The following POLN variants were observed in gnomAD, a reference collection of about 807,000 sequenced individuals.
POLN encodes DNA polymerase N.
A neutral mutation model predicts 113.5 loss-of-function variants in POLN; 108 were observed. That is an observed-to-expected ratio of 0.95 (90% confidence interval 0.81 to 1.12). POLN has a LOEUF of 1.12. Ranked by LOEUF, POLN falls within the 50% of genes most tolerant of loss-of-function variation. The pLI is 0.00. For missense variants in POLN, 1,097 were observed against 1,077.1 expected (o/e 1.02, Z -0.26); for synonymous variants, 386 against 391.5 (o/e 0.99, Z 0.17).
In POLN at chr4:2,095,873, C is replaced by T. The variant is rs1451400335; in HGVS notation, c.2043G>A (p.Val681=). 3 of 1,614,178 alleles carry T rather than the reference C, an allele frequency of 1.9e-6. No homozygotes were observed. The highest frequency in any genetic ancestry group is 2.2e-5 in the South Asian group (2 of 91,084). ...HADREQTKKV[V]YAVVYGAGKE... is the part of the protein sequence containing the mutation. ...TACCTGCTCCATAGACCACCGCGTACACCACCTTCTTGGTTTGCTCTCTGT... is the reference window on the plus strand; with the variant it reads ...TACCTGCTCCATAGACCACCGCGTATACCACCTTCTTGGTTTGCTCTCTGT... The change falls in exon 20 of 26, where the codon GTG becomes GTA. Residue 681 remains valine, a synonymous_variant. Coordinates refer to ENST00000511885, the MANE Select transcript of POLN (RefSeq NM_181808.4).
intron 7 of POLN, among the ~76,000 whole-genome samples, chr4:2,192,373 C>T (rs1409160903): frequency 2.0e-5 from 3 of 151,942 alleles, no homozygotes; most frequent in Non-Finnish European, 4.4e-5. Flanking sequence ...TCTCCTGAGA[C>T]GGAATCTCAC....
intron 6 of POLN, among the ~76,000 whole-genome samples, chr4:2,194,483 C>T (rs1440367300): frequency 6.6e-6 from 1 of 152,076 alleles, no homozygotes; most frequent in Non-Finnish European, 1.5e-5. Flanking sequence ...GAGGGTAAAG[C>T]GCCAATAACA....
chr4:2,136,286 C>G (rs1315349770), intron 16 of POLN, among the ~76,000 whole-genome samples: 1 of 152,218 alleles, frequency 6.6e-6, no homozygotes, highest in Non-Finnish European at 1.5e-5. Flanking sequence ...CTAGGGTATA[C>G]AGTTTTCTGC....
rs908035370 is a variant in POLN at position 2,154,744 on chromosome 4, T to C, written c.1731+2044A>G. 2.0e-5 allele frequency among the ~76,000 whole-genome samples: 3 copies of C among 152,220 alleles called. No homozygotes were observed. In the East Asian group the frequency reaches 5.8e-4, roughly 29 times the overall value. On this transcript the variant is annotated intron_variant, in intron 16 of 25. Transcript: ENST00000511885. ...TTTGTATGGTATTGCTATGATAAAGTACAGGTATGTTTATGGTATTTCTAT... is the reference window on the plus strand; with the variant it reads ...TTTGTATGGTATTGCTATGATAAAGCACAGGTATGTTTATGGTATTTCTAT...
chr4:2,080,690 G>A (rs1730387300), intron 23 of POLN: 2 of 1,361,400 alleles, frequency 1.5e-6, no homozygotes, highest in Non-Finnish European at 1.9e-6. Context: ...CCTGTGCTGT[G>A]CAGACACCCC....
At chr4:2,166,897 C>T (rs549562380) in intron 13 of POLN, among the ~76,000 whole-genome samples, 21 of 152,210 alleles carry the variant, frequency 1.4e-4, no homozygotes, top group African/African-American at 4.3e-4. Context: ...CCCCCAACTG[C>T]GTGAACCAAT....
intron 13 of POLN, among the ~76,000 whole-genome samples, chr4:2,160,265 C>T (rs1732547391): frequency 6.6e-6 from 1 of 152,124 alleles, no homozygotes; most frequent in Non-Finnish European, 1.5e-5. Flanking sequence ...CATTAAGCCC[C>T]TGTTCGTGTC....
intron 16 of POLN, among the ~76,000 whole-genome samples, chr4:2,141,730 A>G (rs1352727667): frequency 6.6e-6 from 1 of 152,144 alleles, no homozygotes; most frequent in Non-Finnish European, 1.5e-5. Context: ...CCCAGAAAAC[A>G]TGGGCAGCCT....
chr4:2,111,408 G>T (rs911679736), intron 19 of POLN, among the ~76,000 whole-genome samples: 1 of 151,946 alleles, frequency 6.6e-6, no homozygotes, highest in Non-Finnish European at 1.5e-5. Flanking sequence ...GGCAGGAGAA[G>T]GAAATAAAGG....
intron 3 of POLN, among the ~76,000 whole-genome samples, chr4:2,222,093 G>T (rs1290922375): frequency 1.3e-5 from 2 of 152,156 alleles, no homozygotes; most frequent in African/African-American, 4.8e-5. Context: ...ATTGAGACCT[G>T]CCTGTTATTT....
chr4:2,170,636 T>C, intron 13 of POLN, 43 bp downstream of exon 13: 3 of 1,535,698 alleles, frequency 2.0e-6, no homozygotes, highest in Middle Eastern at 1.7e-4. Flanking sequence ...GGTGCAGACA[T>C]GCTGTCATTC....
rs183927049 is a variant in POLN at position 2,149,100 on chromosome 4, C to T, written c.1731+7688G>A. On this transcript the variant is annotated intron_variant, in intron 16 of 25. Transcript: ENST00000511885. ...CTTGAGCTTAGGAGTTCAAGACTAG[C>T]CTGGGCAACATGGTGAAACCCCATC... is the stretch of plus-strand genomic sequence containing the variant. Among the ~76,000 whole-genome samples the T allele has an allele frequency of 4.4e-3, 664 of 152,140 alleles. 3 individuals are homozygous for T. The highest frequency in any genetic ancestry group is 0.024 in the Middle Eastern group (7 of 294).
At chr4:2,075,165 C>A (rs1730245856) in intron 24 of POLN, among the ~76,000 whole-genome samples, 1 of 152,240 alleles carries the variant, frequency 6.6e-6, no homozygotes, top group Non-Finnish European at 1.5e-5. Context: ...ACAAAGCAGC[C>A]TTGGGTGTCT....
At chr4:2,240,008 T>C (rs1230933715) in intron 2 of POLN, 1 of 1,549,190 alleles carries the variant, frequency 6.5e-7, no homozygotes, top group Non-Finnish European at 8.9e-7. Flanking sequence ...ATAATTACAA[T>C]GTGAATCCAA....
In POLN at chr4:2,095,754, A is replaced by G. The variant is rs1730773234; in HGVS notation, c.2065+97T>C. 2.7e-6 allele frequency: 3 copies of G among 1,115,450 alleles called. No individual in the cohort carries two copies. The South Asian group carries it at 3.7e-5, about 14-fold the overall frequency. The allele number at this position is 1,115,450 out of a possible 1,614,324, so 69.1% of individuals were successfully genotyped here. On this transcript the variant is annotated intron_variant, in intron 20 of 25. Coordinates refer to ENST00000511885, the MANE Select transcript of POLN (RefSeq NM_181808.4). ...GAGCATAAACAACACCCAGGGACTC[A>G]CAGACGATTTCTGAGGCACAGCCAC...
In POLN at chr4:2,085,633, A is replaced by C. The variant is rs1730530215; in HGVS notation, c.2177T>G (p.Ile726Ser). The C allele has an allele frequency of 6.2e-7, 1 of 1,614,066 alleles. No individual in the cohort carries two copies. The highest frequency in any genetic ancestry group is 2.2e-5 in the East Asian group (1 of 44,886). Reference sequence around the variant, plus strand: ...CTCACCTGTCTGGTGACACTGGGCAATAGCTGCTCGGGCGAAGTCCTTGAT... The same window carrying C: ...CTCACCTGTCTGGTGACACTGGGCACTAGCTGCTCGGGCGAAGTCCTTGAT... ...KKIKDFARAA[I>S]AQCHQTGCVV... The change falls in exon 21 of 26, where the codon ATT (isoleucine) becomes AGT (serine). Residue 726 changes from isoleucine (I) to serine (S), a missense_variant. Ile to Ser is a moderately radical substitution (Grantham distance 142). Coordinates refer to ENST00000511885, the MANE Select transcript of POLN (RefSeq NM_181808.4).
At chr4:2,106,381 C>T (rs1201586560) in intron 19 of POLN, among the ~76,000 whole-genome samples, 1 of 152,150 alleles carries the variant, frequency 6.6e-6, no homozygotes, top group African/African-American at 2.4e-5. Flanking sequence ...TGCAAGACTC[C>T]TAGACTTTAG....
At chr4:2,120,475 A>T (rs1731412382) in intron 19 of POLN, among the ~76,000 whole-genome samples, 1 of 152,012 alleles carries the variant, frequency 6.6e-6, no homozygotes. Flanking sequence ...ACTGAAATTT[A>T]AGTACTTTAT....
Position 2,208,332 on chromosome 4 carries a change from A to C in POLN, c.369T>G (p.Asn123Lys). ...TLSSCLIPQY[N>K]QEASVLQKKG... ...TTTTCTGTAGAACTGAAGCCTCTTG[A>C]TTATACTGTGGAATTAAACAACTTG... Residue 123 changes from asparagine (N) to lysine (K), a missense_variant, in exon 5 of 26, where the codon AAT becomes AAG. Coordinates refer to ENST00000511885, the MANE Select transcript of POLN (RefSeq NM_181808.4). The C allele has an allele frequency of 1.9e-6, 3 of 1,612,826 alleles. No homozygotes were observed. Among genetic ancestry groups the C allele is most frequent in the Non-Finnish European group, 2.5e-6 (3 of 1,179,572 alleles).
Sources: allele counts gnomAD v4.1 joint callset (sites outside exome capture counted in the v4.1 genomes callset), GRCh38; gene constraint gnomAD v4.1.1; transcripts MANE v1.5; gene names NCBI Gene and HGNC (gene_info 2026-07-23, HGNC 2026-07-21).